DLG2: variants seen among roughly 807,000 people sequenced by gnomAD.
DLG2 encodes disks large homolog 2.
In DLG2, 45 loss-of-function variants were observed where a neutral mutation model predicts 132.5. That is an observed-to-expected ratio of 0.34 (90% CI 0.27 to 0.44). The LOEUF is 0.44. Ranked by LOEUF, DLG2 falls within the 20% of genes least tolerant of loss-of-function variation. The pLI is 1.00. For synonymous variants in DLG2, 424 were observed against 419.6 expected (o/e 1.01, Z -0.13); for missense variants, 1,045 against 1,196.9 (o/e 0.87, Z 1.87).
chr11:85,233,466 A>G (rs963141812), intron 4 of DLG2, among the ~76,000 whole-genome samples: 9 of 151,878 alleles, frequency 5.9e-5, no homozygotes, highest in Admixed American at 2.6e-4. Flanking sequence ...TCCATCAGCC[A>G]TTTATAGCAG....
chr11:83,717,150 T>A (rs577138034), intron 18 of DLG2, among the ~76,000 whole-genome samples: 1 of 152,296 alleles, frequency 6.6e-6, no homozygotes, highest in East Asian at 1.9e-4. Flanking sequence ...TACCTCTCAC[T>A]AACTAGGAAA....
chr11:84,734,993 T>C (rs1166434042), intron 6 of DLG2, among the ~76,000 whole-genome samples: 1 of 152,194 alleles, frequency 6.6e-6, no homozygotes, highest in African/African-American at 2.4e-5. Context: ...GAAGCCAACT[T>C]GGTCATGGTG....
At chr11:84,296,437 T>C (rs192071768) in intron 7 of DLG2, among the ~76,000 whole-genome samples, 92 of 152,270 alleles carry the variant, frequency 6.0e-4, no homozygotes, top group African/African-American at 2.1e-3. Flanking sequence ...GATGTACTTA[T>C]GATTTTTTTC....
rs2099736875 is a variant in DLG2, at chr11:84,685,021, A to G, written c.358-150290T>C. On this transcript the variant is annotated intron_variant, in intron 6 of 27. Transcript: ENST00000376104. The stretch of plus-strand genomic sequence containing the variant: ...TCTTTTTGATTCTTACTTAGACAGT[A>G]TCTGTTTGCATTCTCACAACAACCT... Among the ~76,000 whole-genome samples, 4 of 152,192 alleles carry G rather than the reference A, an allele frequency of 2.6e-5. No homozygotes were observed. The South Asian group carries it at 8.3e-4, about 31-fold the overall frequency.
At chr11:84,869,718 T>A (rs1229189603) in intron 6 of DLG2, among the ~76,000 whole-genome samples, 2 of 152,176 alleles carry the variant, frequency 1.3e-5, no homozygotes. Flanking sequence ...GACTATACTC[T>A]CTGAGGAAAG....
At chr11:85,526,699 T>C (rs576753802) in intron 3 of DLG2, among the ~76,000 whole-genome samples, 44 of 152,268 alleles carry the variant, frequency 2.9e-4, no homozygotes, top group Non-Finnish European at 4.4e-5. Context: ...TCTGGATGTG[T>C]CTGTGAGGAT....
chr11:83,524,940 A>G (rs1261681042), intron 21 of DLG2, among the ~76,000 whole-genome samples: 4 of 152,204 alleles, frequency 2.6e-5, no homozygotes, highest in Admixed American at 1.3e-4. Flanking sequence ...TCAGTTATAA[A>G]TTATAATACA....
chr11:83,870,116 T>G (rs1292813553), intron 16 of DLG2, among the ~76,000 whole-genome samples: 1 of 152,210 alleles, frequency 6.6e-6, no homozygotes, highest in Non-Finnish European at 1.5e-5. Flanking sequence ...GGCAAATGCT[T>G]TTAACCATTT....
intron 19 of DLG2, among the ~76,000 whole-genome samples, chr11:83,580,794 T>G (rs898273681): frequency 1.9e-5 from 2 of 105,346 alleles, no homozygotes; most frequent in East Asian, 6.0e-4. Context: ...AAACTGGCCC[T>G]CCCTCCCTCC....
At chr11:85,512,525 G>A (rs1419287564) in intron 3 of DLG2, among the ~76,000 whole-genome samples, 8 of 151,950 alleles carry the variant, frequency 5.3e-5, no homozygotes, top group Non-Finnish European at 1.2e-4. Context: ...TATAGATAAC[G>A]TATCTTGAGT....
rs907195220 is a variant in DLG2 at position 83,964,211 on chromosome 11, T to G, written c.1201+1113A>C. On this transcript the variant is annotated intron_variant, in intron 13 of 27. Transcript: ENST00000376104. ...TGACATTGACCTTATATGCCCTGCA[T>G]GAAGTGGCTCACAGACTATCAGGGC... Among the ~76,000 whole-genome samples, 8 of 149,354 alleles carry G rather than the reference T, an allele frequency of 5.4e-5. No individual in the cohort carries two copies. In the South Asian group the frequency reaches 7.0e-4, roughly 13 times the overall value.
chr11:84,476,213 C>T (rs2099121281), intron 7 of DLG2, among the ~76,000 whole-genome samples: 1 of 152,142 alleles, frequency 6.6e-6, no homozygotes, highest in Non-Finnish European at 1.5e-5. Flanking sequence ...CAACTCACAT[C>T]TATCTGACTC....
intron 6 of DLG2, among the ~76,000 whole-genome samples, chr11:84,795,290 G>A (rs2074422996): frequency 1.3e-5 from 2 of 151,958 alleles, no homozygotes; most frequent in Non-Finnish European, 2.9e-5. Context: ...GCTTCCCAAG[G>A]TGAGTCTCTT....
At chr11:85,253,771 T>C (rs1027302541) in intron 4 of DLG2, among the ~76,000 whole-genome samples, 2 of 151,856 alleles carry the variant, frequency 1.3e-5, no homozygotes, top group African/African-American at 4.8e-5. Flanking sequence ...ATGTGGGAGA[T>C]TTCATTGCCA....
At chr11:85,105,436 A>G (rs971042840) in intron 6 of DLG2, among the ~76,000 whole-genome samples, 1 of 152,006 alleles carries the variant, frequency 6.6e-6, no homozygotes, top group African/African-American at 2.4e-5. Flanking sequence ...CATCTTCTCT[A>G]TACTTTCATT....
chr11:84,465,017 TG>T (rs1270948715), intron 7 of DLG2, among the ~76,000 whole-genome samples: 1 of 151,276 alleles, frequency 6.6e-6, no homozygotes, highest in Non-Finnish European at 1.5e-5. Context: ...TGAACACTGT[TG>T]GCCCTTGGAA....
intron 7 of DLG2, among the ~76,000 whole-genome samples, chr11:84,363,382 T>A (rs1285020063): frequency 6.6e-6 from 1 of 152,004 alleles, no homozygotes; most frequent in Non-Finnish European, 1.5e-5. Context: ...GTAAATTTGT[T>A]TGAGTTCATT....
At chr11:83,819,088 C>T (rs764265177) in intron 17 of DLG2, among the ~76,000 whole-genome samples, 3 of 152,120 alleles carry the variant, frequency 2.0e-5, no homozygotes, top group Non-Finnish European at 2.9e-5. Flanking sequence ...TCTACTGACT[C>T]AGGTCTATAT....
chr11:84,827,163 T>C (rs138878213), intron 6 of DLG2, among the ~76,000 whole-genome samples: 1 of 151,838 alleles, frequency 6.6e-6, no homozygotes, highest in East Asian at 2.0e-4. Context: ...GGAGTGACCA[T>C]ATAAATTGAC....
Sources: allele counts gnomAD v4.1 joint callset (sites outside exome capture counted in the v4.1 genomes callset), GRCh38; gene constraint gnomAD v4.1.1; transcripts MANE v1.5; gene names NCBI Gene and HGNC (gene_info 2026-07-23, HGNC 2026-07-21).